SORCS2: variants seen among roughly 807,000 people sequenced by gnomAD.
SORCS2 encodes the protein VPS10 domain-containing receptor SorCS2.
A neutral mutation model predicts 141.6 loss-of-function variants in SORCS2; 100 were observed. That is an observed-to-expected ratio of 0.71 (90% confidence interval 0.60 to 0.83). SORCS2 has a LOEUF of 0.83. Ranked by LOEUF, SORCS2 falls within the 40% of genes least tolerant of loss-of-function variation. SORCS2 has a pLI of 0.00. For synonymous variants in SORCS2, 789 were observed against 676.9 expected (o/e 1.17, Z -2.57); for missense variants, 1,646 against 1,560.2 (o/e 1.05, Z -0.93).
At chr4:7,382,747 G>T (rs1364448530) in intron 1 of SORCS2, among the ~76,000 whole-genome samples, 1 of 152,044 alleles carries the variant, frequency 6.6e-6, no homozygotes, top group South Asian at 2.1e-4. Flanking sequence ...GCAGGTCTGG[G>T]GGGCAGGGCT....
chr4:7,692,808 C>A (rs1446477758), intron 11 of SORCS2, among the ~76,000 whole-genome samples: 1 of 152,172 alleles, frequency 6.6e-6, no homozygotes, highest in Non-Finnish European at 1.5e-5. Context: ...GCAGAGGGCA[C>A]CGCGTGTGCA....
chr4:7,358,382 G>C (rs1721387776), intron 1 of SORCS2, among the ~76,000 whole-genome samples: 2 of 152,220 alleles, frequency 1.3e-5, no homozygotes, highest in African/African-American at 2.4e-5. Flanking sequence ...AGAGAGGTTA[G>C]CGTTAGTTCC....
rs200512780 is a variant in SORCS2, at chr4:7,438,872, C to CT, written c.548+42523dup. On this transcript the variant is annotated intron_variant, in intron 2 of 26. Transcript: ENST00000507866. ...CCACACATGTATATATTTGCACATG[C>CT]TTTTTTCATATCATTCATTGTTTTT... 1.8e-3 allele frequency among the ~76,000 whole-genome samples: 272 copies of CT among 152,226 alleles called. 1 individual carries two copies. Among genetic ancestry groups the CT allele is most frequent in the African/African-American group, 6.3e-3 (263 of 41,532 alleles).
At chr4:7,709,284 A>C (rs1725675571) in intron 14 of SORCS2, among the ~76,000 whole-genome samples, 1 of 152,106 alleles carries the variant, frequency 6.6e-6, no homozygotes. Context: ...TGGCCAAGAG[A>C]TGGGAGTGCT....
intron 3 of SORCS2, among the ~76,000 whole-genome samples, chr4:7,573,863 A>C (rs1715557662): frequency 6.7e-6 from 1 of 150,246 alleles, no homozygotes; most frequent in Non-Finnish European, 1.5e-5. Context: ...GTGAATTTCA[A>C]GTGGCTGTCC....
At chr4:7,456,941 G>A (rs1345480174) in intron 2 of SORCS2, among the ~76,000 whole-genome samples, 5 of 152,010 alleles carry the variant, frequency 3.3e-5, no homozygotes, top group African/African-American at 9.7e-5. Context: ...CTGGTTGGGT[G>A]CACGCAGCCA....
At chr4:7,594,463 C>T (rs2108780125) in intron 3 of SORCS2, among the ~76,000 whole-genome samples, 1 of 152,352 alleles carries the variant, frequency 6.6e-6, no homozygotes, top group Non-Finnish European at 1.5e-5. Context: ...GCTGGAAGCC[C>T]CGGGTGGGCC....
chr4:7,424,571 C>T (rs1726295995), intron 2 of SORCS2, among the ~76,000 whole-genome samples: 1 of 152,194 alleles, frequency 6.6e-6, no homozygotes. Context: ...GTAACAGAGC[C>T]CTCCTCTTTG....
At chr4:7,724,129 G>GGTGGTGATA (rs1553808131) in intron 19 of SORCS2, among the ~76,000 whole-genome samples, 3 of 140,684 alleles carry the variant, frequency 2.1e-5, no homozygotes, top group African/African-American at 8.6e-5. Flanking sequence ...TGGTGGTGGT[G>GGTGGTGATA]GTGGTGGTGG....
intron 3 of SORCS2, among the ~76,000 whole-genome samples, chr4:7,596,181 G>A (rs781462026): frequency 2.4e-4 from 37 of 152,198 alleles, no homozygotes; most frequent in South Asian, 6.2e-4. Context: ...GTATACGATA[G>A]AATAGATTTG....
rs373133968 is a variant in SORCS2, at chr4:7,322,655, G to C, written c.481-73633G>C. On this transcript the variant is annotated intron_variant, in intron 1 of 26. Coordinates refer to ENST00000507866, the MANE Select transcript of SORCS2 (RefSeq NM_020777.3). ...GACAGCCCAACCCCCTTGTCCAGCCGCTCAAGAGTCTCAGCCCCTAAGCCG... is the reference window on the plus strand; with the variant it reads ...GACAGCCCAACCCCCTTGTCCAGCCCCTCAAGAGTCTCAGCCCCTAAGCCG... Among the ~76,000 whole-genome samples the C allele has an allele frequency of 2.0e-5, 3 of 152,338 alleles. No individual in the cohort carries two copies. In the South Asian group the frequency reaches 6.2e-4, roughly 32 times the overall value.
chr4:7,234,614 G>A (rs560762464), intron 1 of SORCS2, among the ~76,000 whole-genome samples: 2 of 152,298 alleles, frequency 1.3e-5, no homozygotes, highest in East Asian at 1.9e-4. Flanking sequence ...TCCAGTCCTG[G>A]GCTCTGCAGG....
At chr4:7,462,833 C>T (rs189184298) in intron 2 of SORCS2, among the ~76,000 whole-genome samples, 24 of 150,476 alleles carry the variant, frequency 1.6e-4, no homozygotes, top group African/African-American at 5.4e-4. Context: ...TGTCACGGTG[C>T]ACTCGCCAGA....
At chr4:7,414,071 C>G (rs866571122) in intron 2 of SORCS2, among the ~76,000 whole-genome samples, 2 of 152,180 alleles carry the variant, frequency 1.3e-5, no homozygotes, top group African/African-American at 2.4e-5. Flanking sequence ...GTGAATGTAT[C>G]TCCAGCTAAA....
chr4:7,309,883 G>A (rs191084442), intron 1 of SORCS2, among the ~76,000 whole-genome samples: 9 of 152,330 alleles, frequency 5.9e-5, no homozygotes, highest in Middle Eastern at 3.4e-3. Flanking sequence ...TGGATGTTCT[G>A]CGAGCTTATG....
intron 2 of SORCS2, among the ~76,000 whole-genome samples, chr4:7,418,816 G>A (rs1382201612): frequency 6.6e-6 from 1 of 151,878 alleles, no homozygotes; most frequent in Non-Finnish European, 1.5e-5. Context: ...GTTATTGACT[G>A]GGCTCAATCT....
intron 3 of SORCS2, among the ~76,000 whole-genome samples, chr4:7,597,491 A>G (rs1399891639): frequency 1.1e-4 from 14 of 128,212 alleles, no homozygotes; most frequent in African/African-American, 3.3e-4. Flanking sequence ...GGCTATTGCA[A>G]TAGGGGAGGG....
In SORCS2 at chr4:7,256,958, C is replaced by T. The variant is rs532971878; in HGVS notation, c.480+63832C>T. On this transcript the variant is annotated intron_variant, in intron 1 of 26. Coordinates refer to ENST00000507866, the MANE Select transcript of SORCS2 (RefSeq NM_020777.3). Reference sequence around the variant, plus strand: ...AGCATCCTTTGGATGTAGGTGTCATCGGTAGAGACTCGGGGGTCATTAATT... The same window carrying T: ...AGCATCCTTTGGATGTAGGTGTCATTGGTAGAGACTCGGGGGTCATTAATT... Among the ~76,000 whole-genome samples the T allele has an allele frequency of 5.3e-5, 8 of 152,228 alleles. No individual in the cohort carries two copies. In the East Asian group the frequency reaches 9.7e-4, roughly 18 times the overall value.
intron 2 of SORCS2, among the ~76,000 whole-genome samples, chr4:7,437,476 C>A (rs1727384313): frequency 6.6e-6 from 1 of 152,106 alleles, no homozygotes; most frequent in Non-Finnish European, 1.5e-5. Flanking sequence ...CTCCAGCAGC[C>A]CCCACCCCTT....
Sources: allele counts gnomAD v4.1 joint callset (sites outside exome capture counted in the v4.1 genomes callset), GRCh38; gene constraint gnomAD v4.1.1; transcripts MANE v1.5; gene names NCBI Gene and HGNC (gene_info 2026-07-23, HGNC 2026-07-21).